OR5M3: variants seen among roughly 807,000 people sequenced by gnomAD.
The protein encoded by OR5M3 is olfactory receptor family 5 subfamily M member 3.
For synonymous variants in OR5M3, 129 were observed against 131.3 expected, an observed-to-expected ratio of 0.98 and a Z score of 0.12; for missense variants, 384 against 378.6, an observed-to-expected ratio of 1.01 and a Z score of -0.12.
rs777652801 is a variant in OR5M3, at chr11:56,469,776, G to T, written c.722C>A (p.Ser241Tyr). 1 of 1,612,896 alleles carries T rather than the reference G, an allele frequency of 6.2e-7. No individual in the cohort carries two copies. Among genetic ancestry groups the T allele is most frequent in the Non-Finnish European group, 8.5e-7 (1 of 1,179,116 alleles). The change falls in exon 2 of 2, where the codon TCC (serine) becomes TAC (tyrosine). Residue 241 changes from serine (S) to tyrosine (Y), a missense_variant. Transcript: ENST00000641993. ...GAATATAATGACAGCTGTCAGATGG[G>T]ACCCACATGTGGAAAAGGCCTTCTG... Reference protein sequence around the residue: ...GRQKAFSTCGSHLTAVIIFYG... With the variant: ...GRQKAFSTCGYHLTAVIIFYG...
Position 56,469,957 on chromosome 11 carries a change from G to A in OR5M3, c.541C>T (p.Pro181Ser). 1 of 1,613,120 alleles carries A rather than the reference G, an allele frequency of 6.2e-7. No homozygotes were observed. The highest frequency in any genetic ancestry group is 8.5e-7 in the Non-Finnish European group (1 of 1,179,180). Residue 181 changes from proline to serine, a missense_variant, in exon 2 of 2, where the codon CCT becomes TCT. Coordinates refer to ENST00000641993, the MANE Select transcript of OR5M3 (RefSeq NM_001004742.3). Reference sequence around the variant, plus strand: ...CCAGCACAGGCCATTTTGATGAGAGGTGGATCTGCACAGTAGAAATGGTTG... The same window carrying A: ...CCAGCACAGGCCATTTTGATGAGAGATGGATCTGCACAGTAGAAATGGTTG... ...EINHFYCADP[P>S]LIKMACAGTF...
Position 56,470,509 on chromosome 11 carries a change from T to C in OR5M3, c.-12A>G, listed in dbSNP as rs752113045. On this transcript the variant is annotated 5_prime_UTR_variant, in exon 2 of 2. Coordinates refer to ENST00000641993, the MANE Select transcript of OR5M3 (RefSeq NM_001004742.3). ...GTGAAATTGAGCATTTTCTGAATTC[T>C]AAGTCAATATCAGTTACAAAACTTT... 1.3e-6 allele frequency: 2 copies of C among 1,514,692 alleles called. No homozygotes were observed. The highest frequency in any genetic ancestry group is 4.3e-5 in the Admixed American group (2 of 46,446). The allele number at this position is 1,514,692 out of a possible 1,614,324, so 93.8% of individuals were successfully genotyped here. A position where few individuals can be genotyped will look rare whatever the true frequency, so the allele number is the denominator to read the frequency against.
In OR5M3 at chr11:56,470,399, G is replaced by A; in HGVS notation, c.99C>T (p.Tyr33=). 1 of 1,613,388 alleles carries A rather than the reference G, an allele frequency of 6.2e-7. No individual in the cohort carries two copies. The highest frequency in any genetic ancestry group is 1.7e-4 in the Middle Eastern group (1 of 5,956). The change falls in exon 2 of 2, where the codon TAC becomes TAT. Residue 33 remains tyrosine, a synonymous_variant. Coordinates refer to ENST00000641993, the MANE Select transcript of OR5M3 (RefSeq NM_001004742.3). ...CGATATTGCCCACCATGGTGATGAT[G>A]TAGACCACAAGAAAGATGATGAAGA... The part of the protein sequence containing the change: ...VLFFIIFLVV[Y]IITMVGNIGM...
At chr11:56,472,947 G>A (rs538968786) in intron 1 of OR5M3, among the ~76,000 whole-genome samples, 1 of 151,962 alleles carries the variant, frequency 6.6e-6, no homozygotes, top group South Asian at 2.1e-4. Context: ...AGGACTTAAT[G>A]ATAATATCCA....
In OR5M3 at chr11:56,470,089, C is replaced by A. The variant is rs150410574; in HGVS notation, c.409G>T (p.Val137Phe). The A allele has an allele frequency of 1.2e-4, 189 of 1,605,342 alleles. 1 individual carries two copies. In the African/African-American group the frequency reaches 2.1e-3, roughly 18 times the overall value. Reference protein sequence around the residue: ...PLLYGSKMSRVVCIRLITFPY... With the variant: ...PLLYGSKMSRFVCIRLITFPY... The stretch of plus-strand genomic sequence containing the variant: ...AAAGTAATCAGTCGAATACAGACAA[C>A]CCTTGACATTTTACTGCCATAAAGC... Residue 137 changes from valine (V) to phenylalanine (F), a missense_variant, in exon 2 of 2, where the codon GTT (valine) becomes TTT (phenylalanine). By Grantham distance (50) the Val-to-Phe change is conservative. Transcript: ENST00000641993.
In OR5M3 at chr11:56,473,266, A is replaced by G. The variant is rs1853684297; in HGVS notation, c.-90T>C. ...TCCCAATGTGGTTGCAGAGTTGAAA[A>G]GCGCATGCTATATATGGGAATGGTA... On this transcript the variant is annotated 5_prime_UTR_variant, in exon 1 of 2. Transcript: ENST00000641993. 6.6e-6 allele frequency: 1 copy of G among 152,180 alleles called. No homozygotes were observed. The highest frequency in any genetic ancestry group is 1.5e-5 in the Non-Finnish European group (1 of 68,022). 9.4% of individuals were successfully genotyped at this position (152,180 alleles called of 1,614,324 possible).
In OR5M3 at chr11:56,469,463, C is replaced by G. The variant is rs1853639055; in HGVS notation, c.*111G>C. The stretch of plus-strand genomic sequence containing the variant: ...CTCAATTTGTACCACTTTTATTTTT[C>G]TTTTCAACCCACAGAATATCTTTAT... On this transcript the variant is annotated 3_prime_UTR_variant, in exon 2 of 2. Coordinates refer to ENST00000641993, the MANE Select transcript of OR5M3 (RefSeq NM_001004742.3). The G allele has an allele frequency of 1.7e-6, 1 of 598,670 alleles. No individual in the cohort carries two copies. Among genetic ancestry groups the G allele is most frequent in the Non-Finnish European group, 2.8e-6 (1 of 355,520 alleles). The allele number at this position is 598,670 out of a possible 1,614,324, so 37.1% of individuals were successfully genotyped here. A position where few individuals can be genotyped will look rare whatever the true frequency, so the allele number is the denominator to read the frequency against.
At position 56,469,495 on chromosome 11, in the gene OR5M3, G is replaced by A. The variant is rs1248705561; in HGVS notation, c.*79C>T. The A allele has an allele frequency of 8.2e-6, 6 of 733,852 alleles. No individual in the cohort carries two copies. In the South Asian group the frequency reaches 8.3e-5, roughly 10 times the overall value. 45.5% of individuals were successfully genotyped at this position (733,852 alleles called of 1,614,324 possible). On this transcript the variant is annotated 3_prime_UTR_variant, in exon 2 of 2. Transcript: ENST00000641993. ...ACCCACAGAATATCTTTATCTTAAT[G>A]TTCCTAGGTACTGGGTAATAAACTT...
intron 1 of OR5M3, among the ~76,000 whole-genome samples, chr11:56,471,348 T>C (rs1853665586): frequency 1.3e-5 from 2 of 151,856 alleles, no homozygotes; most frequent in South Asian, 4.1e-4. Flanking sequence ...GAGGGTTCAG[T>C]GGAATTCTAG....
At chr11:56,472,513 G>C (rs1853677930) in intron 1 of OR5M3, among the ~76,000 whole-genome samples, 1 of 152,022 alleles carries the variant, frequency 6.6e-6, no homozygotes, top group Non-Finnish European at 1.5e-5. Context: ...GGATGTAGAA[G>C]ATGGCATTGT....
At chr11:56,472,376 A>G (rs952031222) in intron 1 of OR5M3, among the ~76,000 whole-genome samples, 3 of 152,086 alleles carry the variant, frequency 2.0e-5, no homozygotes, top group Non-Finnish European at 2.9e-5. Context: ...GTCAACAGAT[A>G]ACTCCAGATT....
chr11:56,470,139 C>G lies in OR5M3; in HGVS notation c.359G>C (p.Arg120Thr), dbSNP rs532779288. 2 of 1,604,380 alleles carry G rather than the reference C, an allele frequency of 1.2e-6. No individual in the cohort carries two copies. The highest frequency in any genetic ancestry group is 1.1e-5 in the South Asian group (1 of 90,914). ...CAGAGGATTCCCAATTGCCATGTATCTATCAAAGGCCATCGCAGCAAGAAT... is the reference window on the plus strand; with the variant it reads ...CAGAGGATTCCCAATTGCCATGTATGTATCAAAGGCCATCGCAGCAAGAAT... ...IFILAAMAFD[R>T]YMAIGNPLLY... The change falls in exon 2 of 2, where the codon AGA becomes ACA. Residue 120 changes from arginine (R) to threonine (T), a missense_variant. By Grantham distance (71) the Arg-to-Thr change is moderately conservative (BLOSUM62 -1). Transcript: ENST00000641993.
At position 56,469,877 on chromosome 11, in the gene OR5M3, A is replaced by G. The variant is rs773017258; in HGVS notation, c.621T>C (p.Tyr207=). 4 of 1,613,038 alleles carry G rather than the reference A, an allele frequency of 2.5e-6. No homozygotes were observed. The highest frequency in any genetic ancestry group is 1.1e-5 in the South Asian group (1 of 91,058). ...MIILAGINFT[Y]SLTVIIISYL... Reference sequence around the variant, plus strand: ...AAGAGATGATAATTACAGTCAGGGAATATGTGAAGTTAATGCCGGCAAGTA... The same window carrying G: ...AAGAGATGATAATTACAGTCAGGGAGTATGTGAAGTTAATGCCGGCAAGTA... Residue 207 remains tyrosine (Y), a synonymous_variant, in exon 2 of 2, where the codon TAT becomes TAC. Coordinates refer to ENST00000641993, the MANE Select transcript of OR5M3 (RefSeq NM_001004742.3).
rs771437315 is a variant in OR5M3 at position 56,470,395 on chromosome 11, T to C, written c.103A>G (p.Ile35Val). The stretch of plus-strand genomic sequence containing the variant: ...ATGCCGATATTGCCCACCATGGTGA[T>C]GATGTAGACCACAAGAAAGATGATG... ...FFIIFLVVYI[I>V]TMVGNIGMMV... The change falls in exon 2 of 2, where the codon ATC (isoleucine) becomes GTC (valine). Residue 35 changes from isoleucine to valine, a missense_variant. By Grantham distance (29) the Ile-to-Val change is conservative. Transcript: ENST00000641993. 1 of 1,613,568 alleles carries C rather than the reference T, an allele frequency of 6.2e-7. No individual in the cohort carries two copies.
At position 56,469,569 on chromosome 11, in the gene OR5M3, T is replaced by G; in HGVS notation, c.*5A>C. 1 of 1,473,036 alleles carries G rather than the reference T, an allele frequency of 6.8e-7. No individual in the cohort carries two copies. The highest frequency in any genetic ancestry group is 9.1e-7 in the Non-Finnish European group (1 of 1,100,884). The allele number at this position is 1,473,036 out of a possible 1,614,324, so 91.2% of individuals were successfully genotyped here. A position where few individuals can be genotyped will look rare whatever the true frequency, so the allele number is the denominator to read the frequency against. ...AAAATTAAATCAAATTTGATTTTAT[T>G]TTGTTTAACATGATCTGCTGATCAC... is the stretch of plus-strand genomic sequence containing the variant. On this transcript the variant is annotated 3_prime_UTR_variant, in exon 2 of 2. Transcript: ENST00000641993.
At chr11:56,472,882 A>G (rs1853681192) in intron 1 of OR5M3, among the ~76,000 whole-genome samples, 1 of 151,990 alleles carries the variant, frequency 6.6e-6, no homozygotes, top group Non-Finnish European at 1.5e-5. Context: ...ATTTTATAAA[A>G]CTGGACATGT....
chr11:56,470,590 C>A (rs116825876), intron 1 of OR5M3, 49 bp from the exon 2 acceptor site: 3 of 674,418 alleles, frequency 4.4e-6, no homozygotes, highest in East Asian at 2.8e-5. Flanking sequence ...TTAATTTATA[C>A]CTTCAGATGC....
In OR5M3 at chr11:56,470,092, T is replaced by A; in HGVS notation, c.406A>T (p.Arg136Trp). The change falls in exon 2 of 2, where the codon AGG becomes TGG. Residue 136 changes from arginine to tryptophan, a missense_variant. Arg to Trp is a moderately radical substitution (Grantham distance 101, BLOSUM62 -3). Transcript: ENST00000641993. ...NPLLYGSKMS[R>W]VVCIRLITFP... ...GTAATCAGTCGAATACAGACAACCC[T>A]TGACATTTTACTGCCATAAAGCAGA... 6.2e-7 allele frequency: 1 copy of A among 1,605,026 alleles called. No homozygotes were observed. Among genetic ancestry groups the A allele is most frequent in the Non-Finnish European group, 8.5e-7 (1 of 1,172,234 alleles).
Position 56,470,468 on chromosome 11 carries a change from G to A in OR5M3, c.30C>T (p.Phe10=), listed in dbSNP as rs1853656323. The A allele has an allele frequency of 6.2e-7, 1 of 1,602,048 alleles. No homozygotes were observed. The highest frequency in any genetic ancestry group is 2.2e-5 in the East Asian group (1 of 44,714). The change falls in exon 2 of 2, where the codon TTC becomes TTT. Residue 10 remains phenylalanine, a synonymous_variant. Transcript: ENST00000641993. The part of the protein sequence containing the change: MLNFTDVTE[F]ILLGLTSRRE... Reference sequence around the variant, plus strand: ...GACGGCTCGTTAGCCCCAAAAGAATGAACTCTGTCACATCGGTGAAATTGA... The same window carrying A: ...GACGGCTCGTTAGCCCCAAAAGAATAAACTCTGTCACATCGGTGAAATTGA...
Sources: allele counts gnomAD v4.1 joint callset (sites outside exome capture counted in the v4.1 genomes callset), GRCh38; gene constraint gnomAD v4.1.1; transcripts MANE v1.5; gene names NCBI Gene and HGNC (gene_info 2026-07-23, HGNC 2026-07-21).